EYA2: variants seen among roughly 807,000 people sequenced by gnomAD.
The protein encoded by EYA2 is protein phosphatase EYA2.
A neutral mutation model predicts 69.2 loss-of-function variants in EYA2; 31 were observed. The ratio of observed to expected loss-of-function variants is 0.45; its 90% CI spans 0.34 to 0.60. The LOEUF is 0.60. Ranked by LOEUF, EYA2 falls within the 20% of genes least tolerant of loss-of-function variation. The pLI is 0.02. For missense variants in EYA2, 622 were observed against 701.2 expected, an observed-to-expected ratio of 0.89 and a Z score of 1.28; for synonymous variants, 257 against 279.4, an observed-to-expected ratio of 0.92 and a Z score of 0.80.
At chr20:46,938,051 A>T (rs1294637920) in intron 1 of EYA2, among the ~76,000 whole-genome samples, 2 of 152,220 alleles carry the variant, frequency 1.3e-5, no homozygotes, top group African/African-American at 4.8e-5. Flanking sequence ...AGAGAGGTTA[A>T]GTATCCCTAA....
At chr20:47,138,953 C>T (rs949773912) in intron 9 of EYA2, among the ~76,000 whole-genome samples, 6 of 152,126 alleles carry the variant, frequency 3.9e-5, no homozygotes, top group African/African-American at 1.2e-4. Context: ...TAATAACATA[C>T]AGTACATAGT....
intron 1 of EYA2, among the ~76,000 whole-genome samples, chr20:46,911,417 G>A (rs1047321585): frequency 3.3e-5 from 5 of 152,150 alleles, no homozygotes; most frequent in African/African-American, 9.7e-5. Context: ...CATGGCACCC[G>A]GGCAGGCTCA....
chr20:47,076,146 G>T (rs534008162), intron 7 of EYA2, among the ~76,000 whole-genome samples: 1 of 152,186 alleles, frequency 6.6e-6, no homozygotes, highest in African/African-American at 2.4e-5. Flanking sequence ...ATTGTGAATA[G>T]TGCTGCAATG....
chr20:47,142,275 G>A (rs1407134219), intron 9 of EYA2, among the ~76,000 whole-genome samples: 1 of 152,234 alleles, frequency 6.6e-6, no homozygotes, highest in African/African-American at 2.4e-5. Flanking sequence ...GCAGGGAGAA[G>A]CACCTCAGGG....
chr20:47,074,427 C>G, intron 7 of EYA2, 92 bp downstream of exon 7: 1 of 1,351,024 alleles, frequency 7.4e-7, no homozygotes, highest in Non-Finnish European at 1.0e-6. Flanking sequence ...TTGTAACAAA[C>G]AGGTTACCCA....
At chr20:46,939,174 A>G (rs944361113) in intron 1 of EYA2, among the ~76,000 whole-genome samples, 1 of 152,188 alleles carries the variant, frequency 6.6e-6, no homozygotes, top group Non-Finnish European at 1.5e-5. Flanking sequence ...CCCTGGTGAC[A>G]GCGATTGGTT....
At chr20:47,144,860 C>A (rs2033669388) in intron 10 of EYA2, among the ~76,000 whole-genome samples, 1 of 152,164 alleles carries the variant, frequency 6.6e-6, no homozygotes, top group Admixed American at 6.6e-5. Context: ...GTCTATGGCT[C>A]GAAGGACACA....
In EYA2 at chr20:46,979,247, C is replaced by T. The variant is rs1315006596; in HGVS notation, c.-10-10754C>T. On this transcript the variant is annotated intron_variant, in intron 1 of 15. Transcript: ENST00000327619. ...CTCCCAGCCTTTGAAGCTGCCCCTG[C>T]CCCCACCCTCCAGCTGTCATCTCTC... 2.6e-5 allele frequency among the ~76,000 whole-genome samples: 4 copies of T among 152,272 alleles called. No homozygotes were observed. In the East Asian group the frequency reaches 5.8e-4, roughly 22 times the overall value.
At chr20:47,016,590 G>A (rs1983427918) in intron 5 of EYA2, among the ~76,000 whole-genome samples, 1 of 152,196 alleles carries the variant, frequency 6.6e-6, no homozygotes, top group Non-Finnish European at 1.5e-5. Flanking sequence ...GGGAGGTCAG[G>A]AAAGGTGAGA....
At chr20:47,160,611 G>A (rs1445755599) in intron 10 of EYA2, among the ~76,000 whole-genome samples, 3 of 152,080 alleles carry the variant, frequency 2.0e-5, no homozygotes, top group Admixed American at 2.0e-4. Context: ...AGGAGACGGG[G>A]ATAACTCCAA....
chr20:47,160,524 A>G (rs915325661), intron 10 of EYA2, among the ~76,000 whole-genome samples: 1 of 152,010 alleles, frequency 6.6e-6, no homozygotes, highest in African/African-American at 2.4e-5. Context: ...GGAGGTGAGA[A>G]TGGTCAGATT....
intron 10 of EYA2, among the ~76,000 whole-genome samples, chr20:47,151,216 CAAAAACT>C (rs2033815883): frequency 6.6e-6 from 1 of 151,918 alleles, no homozygotes; most frequent in East Asian, 2.0e-4. Context: ...ACTAAAAATA[CAAAAACT>C]AGCAGGTCAT....
chr20:47,143,001 G>A, intron 9 of EYA2, 58 bp from the exon 10 acceptor site: 4 of 1,521,210 alleles, frequency 2.6e-6, no homozygotes, highest in Admixed American at 1.7e-5. Context: ...GACCAAAAGG[G>A]TAGCTAAGAT....
intron 7 of EYA2, among the ~76,000 whole-genome samples, chr20:47,075,260 A>T (rs1229030537): frequency 6.6e-6 from 1 of 152,254 alleles, no homozygotes; most frequent in Non-Finnish European, 1.5e-5. Context: ...AGTTTGGGAA[A>T]TAAAGTGCAG....
At chr20:46,931,223 G>A (rs549660702) in intron 1 of EYA2, among the ~76,000 whole-genome samples, 5 of 152,346 alleles carry the variant, frequency 3.3e-5, no homozygotes, top group South Asian at 2.1e-4. Flanking sequence ...ACTGTGCCAC[G>A]TGTTTTCAAT....
chr20:47,098,512 ATGTG>A (rs916072245), intron 9 of EYA2, among the ~76,000 whole-genome samples: 1 of 152,192 alleles, frequency 6.6e-6, no homozygotes, highest in South Asian at 2.1e-4. Flanking sequence ...TTGTGTAGGG[ATGTG>A]TGATCTTGGG....
At chr20:46,992,909 G>T (rs1240306840) in intron 2 of EYA2, among the ~76,000 whole-genome samples, 1 of 152,118 alleles carries the variant, frequency 6.6e-6, no homozygotes, top group African/African-American at 2.4e-5. Flanking sequence ...CCCCTGCCTG[G>T]CCTACTGTTC....
intron 9 of EYA2, among the ~76,000 whole-genome samples, chr20:47,127,410 C>A (rs2033221207): frequency 6.6e-6 from 1 of 152,128 alleles, no homozygotes; most frequent in Non-Finnish European, 1.5e-5. Flanking sequence ...TCGAGACCAG[C>A]CTGGCCAACA....
At chr20:46,958,422 A>T (rs974154731) in intron 1 of EYA2, among the ~76,000 whole-genome samples, 7 of 151,960 alleles carry the variant, frequency 4.6e-5, no homozygotes, top group Non-Finnish European at 8.8e-5. Flanking sequence ...GTGATTTTTT[A>T]AATGAATCTG....
Sources: allele counts gnomAD v4.1 joint callset (sites outside exome capture counted in the v4.1 genomes callset), GRCh38; gene constraint gnomAD v4.1.1; transcripts MANE v1.5; gene names NCBI Gene and HGNC (gene_info 2026-07-23, HGNC 2026-07-21).